The following CCDC7 variants were observed in gnomAD, a reference collection of about 807,000 sequenced individuals.
CCDC7 encodes the protein coiled-coil domain-containing protein 7.
Under a neutral mutation model 196.9 loss-of-function variants are expected in CCDC7, and 183 were observed. The ratio of observed to expected loss-of-function variants is 0.93; its 90% CI spans 0.82 to 1.05. CCDC7 has a LOEUF of 1.05. Ranked by LOEUF, CCDC7 falls within the 50% of genes least tolerant of loss-of-function variation. The pLI is 0.00. For synonymous variants in CCDC7, 525 were observed against 484.6 expected (o/e 1.08, Z -1.10); for missense variants, 1,540 against 1,482.2 (o/e 1.04, Z -0.64).
chr10:32,733,166 AT>A (rs1400762085), intron 28 of CCDC7, among the ~76,000 whole-genome samples: 1 of 152,104 alleles, frequency 6.6e-6, no homozygotes, highest in Non-Finnish European at 1.5e-5. Flanking sequence ...TGATTATAAA[AT>A]ATGAATACCT....
At chr10:32,515,985 G>GAA (rs1287550504) in intron 9 of CCDC7, among the ~76,000 whole-genome samples, 3 of 151,800 alleles carry the variant, frequency 2.0e-5, no homozygotes, top group African/African-American at 7.3e-5. Flanking sequence ...TATGACATCA[G>GAA]AAGTACAATC....
chr10:32,527,096 G>T (rs1337223548), intron 11 of CCDC7, among the ~76,000 whole-genome samples: 1 of 152,142 alleles, frequency 6.6e-6, no homozygotes, highest in African/African-American at 2.4e-5. Context: ...CACTAGTATG[G>T]TCACTTCCCC....
At chr10:32,644,913 G>A (rs947287146) in intron 20 of CCDC7, among the ~76,000 whole-genome samples, 1 of 152,158 alleles carries the variant, frequency 6.6e-6, no homozygotes, top group African/African-American at 2.4e-5. Context: ...CAACTGGATA[G>A]TATTCATTGC....
intron 18 of CCDC7, among the ~76,000 whole-genome samples, chr10:32,610,356 G>A (rs984765387): frequency 2.2e-4 from 33 of 151,984 alleles, no homozygotes; most frequent in African/African-American, 6.5e-4. Context: ...TGCCTGCCTC[G>A]GCCTCCCAAA....
chr10:32,833,565 T>C (rs144247856), intron 32 of CCDC7, among the ~76,000 whole-genome samples: 16 of 152,288 alleles, frequency 1.1e-4, no homozygotes, highest in Middle Eastern at 6.8e-3. Context: ...CTAACGCAAA[T>C]GAATTAGTAC....
At chr10:32,665,255 A>C (rs1220723924) in intron 21 of CCDC7, among the ~76,000 whole-genome samples, 3 of 152,052 alleles carry the variant, frequency 2.0e-5, no homozygotes, top group Admixed American at 2.0e-4. Flanking sequence ...TCTCTCATGC[A>C]ATAGGCTATT....
At chr10:32,615,487 G>A (rs980826328) in intron 18 of CCDC7, among the ~76,000 whole-genome samples, 10 of 152,038 alleles carry the variant, frequency 6.6e-5, no homozygotes, top group African/African-American at 2.2e-4. Flanking sequence ...TTTGAAAAAT[G>A]TTTGTTCAAC....
chr10:32,543,297 C>T lies in CCDC7; in HGVS notation c.994-3C>T. The T allele has an allele frequency of 7.1e-7, 1 of 1,407,488 alleles. No homozygotes were observed. Among genetic ancestry groups the T allele is most frequent in the South Asian group, 1.6e-5 (1 of 60,932 alleles). The allele number at this position is 1,407,488 out of a possible 1,614,324, so 87.2% of individuals were successfully genotyped here. ...TATTTCTGGCTTATGTAAAATTATACAGAAAACTAAGCCTACAAATAATCG... is the reference window on the plus strand; with the variant it reads ...TATTTCTGGCTTATGTAAAATTATATAGAAAACTAAGCCTACAAATAATCG... On this transcript the variant is annotated splice_polypyrimidine_tract_variant and splice_region_variant and intron_variant, in intron 11 of 41. Transcript: ENST00000639629.
chr10:32,814,338 T>C (rs759064773), intron 30 of CCDC7, 32 bp from the exon 32 acceptor site: 26 of 1,360,688 alleles, frequency 1.9e-5, no homozygotes, highest in Non-Finnish European at 2.6e-5. Flanking sequence ...ATGATTACCT[T>C]ACAGTGTTTT....
intron 33 of CCDC7, 103 bp from the exon 35 acceptor site, chr10:32,845,140 G>T: frequency 1.6e-6 from 1 of 638,492 alleles, no homozygotes; most frequent in Non-Finnish European, 2.6e-6. Context: ...TTATATAGGT[G>T]AAATTCTAAA....
chr10:32,635,729 A>G (rs1314385989), intron 20 of CCDC7, among the ~76,000 whole-genome samples: 2 of 151,922 alleles, frequency 1.3e-5, no homozygotes, highest in African/African-American at 2.4e-5. Flanking sequence ...TGCATGATAC[A>G]TTTTATATTT....
At chr10:32,801,494 G>T (rs898934355) in intron 29 of CCDC7, among the ~76,000 whole-genome samples, 1 of 152,166 alleles carries the variant, frequency 6.6e-6, no homozygotes, top group African/African-American at 2.4e-5. Flanking sequence ...CCAACTTTGT[G>T]TTCCTTCCAC....
At chr10:32,727,854 G>T (rs372839189) in intron 26 of CCDC7, among the ~76,000 whole-genome samples, 11 of 152,202 alleles carry the variant, frequency 7.2e-5, no homozygotes, top group African/African-American at 2.6e-4. Flanking sequence ...AGCAAGAGTG[G>T]CATGAAAGAA....
rs186046418 is a variant in CCDC7, at chr10:32,656,962, A to G, written c.2015-7092A>G. 4.4e-4 allele frequency among the ~76,000 whole-genome samples: 67 copies of G among 152,356 alleles called. No individual in the cohort carries two copies. In the East Asian group the frequency reaches 0.011, roughly 25 times the overall value. The stretch of plus-strand genomic sequence containing the variant: ...AGAAATTGGCCACAACAAAGAGGCT[A>G]CATGCCCCAATCAAGTTCAAAATCC... On this transcript the variant is annotated intron_variant, in intron 20 of 41. Transcript: ENST00000639629.
chr10:32,480,280 C>T lies in CCDC7; in HGVS notation c.796+6257C>T, dbSNP rs558254616. Among the ~76,000 whole-genome samples the T allele has an allele frequency of 1.3e-3, 203 of 151,060 alleles. 1 individual carries two copies. The highest frequency in any genetic ancestry group is 4.6e-3 in the African/African-American group (191 of 41,196). On this transcript the variant is annotated intron_variant, in intron 8 of 41. Transcript: ENST00000639629. ...TCTAGTTCCTTGAGGTGTGACATTA[C>T]GTTATTTGAGCTCTTTTGTCTTTTT...
At chr10:32,805,168 T>A in intron 30 of CCDC7, 70 bp downstream of exon 31, 1 of 1,063,418 alleles carries the variant, frequency 9.4e-7, no homozygotes, top group Non-Finnish European at 1.4e-6. Context: ...TGTGTATCCT[T>A]AATAGCAATG....
chr10:32,876,869 A>G (rs1292409689), downstream of CCDC7: 1 of 152,788 alleles, frequency 6.5e-6, no homozygotes, highest in Non-Finnish European at 1.5e-5. Flanking sequence ...ACACTGAAAT[A>G]GTATTTGTAA....
intron 28 of CCDC7, among the ~76,000 whole-genome samples, chr10:32,774,692 T>G (rs1169677006): frequency 1.3e-5 from 2 of 152,220 alleles, no homozygotes; most frequent in Non-Finnish European, 2.9e-5. Flanking sequence ...TCTGCCATCT[T>G]GCTTACACCA....
chr10:32,546,355 TA>T (rs1384282875), intron 13 of CCDC7, among the ~76,000 whole-genome samples: 1 of 152,186 alleles, frequency 6.6e-6, no homozygotes, highest in Non-Finnish European at 1.5e-5. Context: ...GCAAAATGTT[TA>T]AAAAGATGTG....
Sources: allele counts gnomAD v4.1 joint callset (sites outside exome capture counted in the v4.1 genomes callset), GRCh38; gene constraint gnomAD v4.1.1; transcripts MANE v1.5; gene names NCBI Gene and HGNC (gene_info 2026-07-23, HGNC 2026-07-21).